ABHD2: variants seen among roughly 807,000 people sequenced by gnomAD.
ABHD2 encodes the protein abhydrolase domain containing 2, acylglycerol lipase, also known as monoacylglycerol lipase ABHD2.
A neutral mutation model predicts 48.1 loss-of-function variants in ABHD2; 20 were observed. The observed-to-expected ratio is 0.42, with a 90% CI of 0.29 to 0.60. ABHD2 has a LOEUF of 0.60. Ranked by LOEUF, ABHD2 falls within the 20% of genes least tolerant of loss-of-function variation. The pLI, the probability that ABHD2 is intolerant of heterozygous loss-of-function variation, is 0.24. For synonymous variants in ABHD2, 209 were observed against 214.2 expected (o/e 0.98, Z 0.21); for missense variants, 405 against 550.9 (o/e 0.74, Z 2.65).
In ABHD2 at chr15:89,114,422, G is replaced by A. The variant is rs2150810891; in HGVS notation, c.-7+598G>A. On this transcript the variant is annotated intron_variant, in intron 2 of 10. Transcript: ENST00000352732. This position sits in a 1 kb window ranked among gnomAD's most constrained non-coding sequence, Gnocchi z 4.2. Reference sequence around the variant, plus strand: ...TTAGGGGTTTATAGACAGCTTTCAGGGGATATGACCCCAGGAGTGAGGAGG... The same window carrying A: ...TTAGGGGTTTATAGACAGCTTTCAGAGGATATGACCCCAGGAGTGAGGAGG... 6.6e-6 allele frequency among the ~76,000 whole-genome samples: 1 copy of A among 152,250 alleles called. No homozygotes were observed. Among genetic ancestry groups the A allele is most frequent in the East Asian group, 1.9e-4 (1 of 5,178 alleles).
intron 1 of ABHD2, among the ~76,000 whole-genome samples, chr15:89,098,642 T>C (rs963604737): frequency 1.3e-5 from 2 of 152,250 alleles, no homozygotes; most frequent in African/African-American, 4.8e-5. Flanking sequence ...CTCATTCTTG[T>C]CAATGATGTT....
rs780999947 is a variant in ABHD2 at position 89,151,900 on chromosome 15, C to T, written c.370+48C>T. On this transcript the variant is annotated intron_variant, in intron 4 of 10. Coordinates refer to ENST00000352732, the MANE Select transcript of ABHD2 (RefSeq NM_152924.5). The surrounding 1 kb of genome is among the most constrained non-coding windows in gnomAD (Gnocchi z 4.7). ...ATTGAGCCATCACTCAGAGAAGGAGCACTAGTCAGTGGAGAGCACAGCAGT... is the reference window on the plus strand; with the variant it reads ...ATTGAGCCATCACTCAGAGAAGGAGTACTAGTCAGTGGAGAGCACAGCAGT... 11 of 1,595,386 alleles carry T rather than the reference C, an allele frequency of 6.9e-6. No individual in the cohort carries two copies. In the South Asian group the frequency reaches 1.1e-4, roughly 16 times the overall value.
chr15:89,082,622 T>C (rs906898115), upstream of ABHD2: 16 of 152,380 alleles, frequency 1.1e-4, no homozygotes, highest in African/African-American at 3.6e-4. This position sits in a 1 kb window ranked among gnomAD's most constrained non-coding sequence, Gnocchi z 4.4. Flanking sequence ...TGAATAATTA[T>C]TGCTGACACT....
rs1206821989 is a variant in ABHD2 at position 89,185,856 on chromosome 15, A to C, written c.815+340A>C. 3.9e-5 allele frequency among the ~76,000 whole-genome samples: 6 copies of C among 152,168 alleles called. No homozygotes were observed. Among genetic ancestry groups the C allele is most frequent in the Admixed American group, 3.9e-4 (6 of 15,278 alleles). On this transcript the variant is annotated intron_variant, in intron 7 of 10. Transcript: ENST00000352732. This position sits in a 1 kb window ranked among gnomAD's most constrained non-coding sequence, Gnocchi z 5.9. ...TGATGGTGCCGCTGTAATCCCAGCT[A>C]CTTGGGAGGCTGAGGCAGGAGAGTC...
chr15:89,131,425 C>G (rs958618199), intron 3 of ABHD2, among the ~76,000 whole-genome samples: 1 of 152,170 alleles, frequency 6.6e-6, no homozygotes, highest in Non-Finnish European at 1.5e-5. Context: ...TCTCTGTTGT[C>G]TGATAGCATC....
intron 5 of ABHD2, among the ~76,000 whole-genome samples, chr15:89,157,031 A>C (rs1422622057): frequency 2.6e-5 from 4 of 152,182 alleles, no homozygotes; most frequent in African/African-American, 9.7e-5. Flanking sequence ...ATGTATATCT[A>C]TGGTGATTTA....
At chr15:89,071,660 T>A in the ABHD2 span, among the ~76,000 whole-genome samples, 2 of 151,992 alleles carry the variant, frequency 1.3e-5, no homozygotes, top group African/African-American at 4.8e-5. Flanking sequence ...GGGAGTGGGG[T>A]GGAGCTCACA....
chr15:89,150,222 A>C (rs2050569115), intron 3 of ABHD2, among the ~76,000 whole-genome samples: 1 of 152,188 alleles, frequency 6.6e-6, no homozygotes, highest in African/African-American at 2.4e-5. Context: ...ATTTTCTTTA[A>C]ACTTTCCTCC....
At chr15:89,075,627 T>C in the ABHD2 span, among the ~76,000 whole-genome samples, 2 of 152,122 alleles carry the variant, frequency 1.3e-5, no homozygotes, top group South Asian at 4.1e-4. This position sits in a 1 kb window ranked among gnomAD's most constrained non-coding sequence, Gnocchi z 4.1. Context: ...ATGTTATCAT[T>C]TGGGCAATGG....
chr15:89,155,255 A>G lies in ABHD2; in HGVS notation c.371-112A>G. 1 of 1,196,796 alleles carries G rather than the reference A, an allele frequency of 8.4e-7. No individual in the cohort carries two copies. Among genetic ancestry groups the G allele is most frequent in the South Asian group, 1.5e-5 (1 of 68,726 alleles). 74.1% of individuals were successfully genotyped at this position (1,196,796 alleles called of 1,614,324 possible). On this transcript the variant is annotated intron_variant, in intron 4 of 10. Transcript: ENST00000352732. This position sits in a 1 kb window ranked among gnomAD's most constrained non-coding sequence, Gnocchi z 4.9. ...ATTCTTCCCCAGAGAACTGAGTGAAAGATGTATGTTGAATTCCCTCCCCTT... is the reference window on the plus strand; with the variant it reads ...ATTCTTCCCCAGAGAACTGAGTGAAGGATGTATGTTGAATTCCCTCCCCTT...
chr15:89,170,175 C>CAA (rs1383990762), intron 5 of ABHD2, among the ~76,000 whole-genome samples: 3 of 134,530 alleles, frequency 2.2e-5, no homozygotes, highest in Admixed American at 8.5e-5. Context: ...TGGCTCACTG[C>CAA]AACCTCCCTT....
the ABHD2 span, among the ~76,000 whole-genome samples, chr15:89,074,466 G>A: frequency 1.3e-5 from 2 of 152,292 alleles, no homozygotes; most frequent in South Asian, 4.1e-4. Context: ...AGCTGGGAGT[G>A]AGACCCAGAT....
At position 89,176,055 on chromosome 15, in the gene ABHD2, C is replaced by T. The variant is rs1008582270; in HGVS notation, c.722+60C>T. 8.1e-6 allele frequency: 12 copies of T among 1,479,896 alleles called. No individual in the cohort carries two copies. Among genetic ancestry groups the T allele is most frequent in the African/African-American group, 4.2e-5 (3 of 70,912 alleles). 91.7% of individuals were successfully genotyped at this position (1,479,896 alleles called of 1,614,324 possible). On this transcript the variant is annotated intron_variant, in intron 6 of 10. Transcript: ENST00000352732. The surrounding 1 kb of genome is among the most constrained non-coding windows in gnomAD (Gnocchi z 4.5). ...TTAGCCCTTATTTATAGAGATGCCC[C>T]GACGCACAACACACTGTTCTGTGAA...
At chr15:89,119,313 A>G (rs2050010869) in intron 3 of ABHD2, among the ~76,000 whole-genome samples, 1 of 152,200 alleles carries the variant, frequency 6.6e-6, no homozygotes, top group African/African-American at 2.4e-5. Flanking sequence ...ATGACAAATG[A>G]CTAAAGGGCA....
chr15:89,155,403 A>T lies in ABHD2; in HGVS notation c.407A>T (p.Asn136Ile). 1 of 1,614,172 alleles carries T rather than the reference A, an allele frequency of 6.2e-7. No homozygotes were observed. Among genetic ancestry groups the T allele is most frequent in the Non-Finnish European group, 8.5e-7 (1 of 1,180,018 alleles). Residue 136 changes from asparagine (N) to isoleucine (I), a missense_variant, in exon 5 of 11, where the codon AAT becomes ATT. Coordinates refer to ENST00000352732, the MANE Select transcript of ABHD2 (RefSeq NM_152924.5). This position sits in a 1 kb window ranked among gnomAD's most constrained non-coding sequence, Gnocchi z 4.9. ...ITMVICPGIA[N>I]HSEKQYIRTF... ...ATGGTCATCTGCCCTGGAATTGCCA[A>T]TCACAGCGAGAAGCAATACATCCGC...
chr15:89,198,128 A>G lies in ABHD2; in HGVS notation c.*2705A>G, dbSNP rs1446618741. On this transcript the variant is annotated 3_prime_UTR_variant, in exon 11 of 11. Transcript: ENST00000352732. The surrounding 1 kb of genome is among the most constrained non-coding windows in gnomAD (Gnocchi z 5.1). ...AAAGTCATTCATTTCTGATGAGTAT[A>G]TGAATCCCCCTCTTGCTAGTAAGGT... 1.3e-5 allele frequency: 2 copies of G among 152,206 alleles called. No homozygotes were observed. Among genetic ancestry groups the G allele is most frequent in the Non-Finnish European group, 2.9e-5 (2 of 68,036 alleles). The allele number at this position is 152,206 out of a possible 1,614,324, so 9.4% of individuals were successfully genotyped here.
At chr15:89,087,244 A>G (rs908082477), upstream of ABHD2, 1 of 152,250 alleles carries the variant, frequency 6.6e-6, no homozygotes, top group Non-Finnish European at 1.5e-5. This position sits in a 1 kb window ranked among gnomAD's most constrained non-coding sequence, Gnocchi z 5.5. Context: ...GAGCCAGCCC[A>G]CTGTTCCTTG....
the ABHD2 span, among the ~76,000 whole-genome samples, chr15:89,074,095 C>T: frequency 1.3e-5 from 2 of 152,026 alleles, no homozygotes; most frequent in African/African-American, 4.8e-5. Context: ...TCACCTGGGC[C>T]GGGCATGGTG....
At chr15:89,057,318 C>T in the ABHD2 span, among the ~76,000 whole-genome samples, 2 of 152,156 alleles carry the variant, frequency 1.3e-5, no homozygotes, top group South Asian at 4.1e-4. Context: ...CCCGGGTTAG[C>T]TCTTCTAAGC....
Sources: gnomAD v4.1 joint callset for allele counts (sites outside exome capture counted in the v4.1 genomes callset) on GRCh38, gnomAD v4.1.1 for gene constraint, Gnocchi (gnomAD v3.1) non-coding constraint, MANE v1.5 for transcripts, NCBI Gene and HGNC (gene_info 2026-07-23, HGNC 2026-07-21) for gene names.